PACRG: variants seen among roughly 807,000 people sequenced by gnomAD.
The protein encoded by PACRG is parkin coregulated gene protein.
Under a neutral mutation model 29.7 loss-of-function variants are expected in PACRG, and 29 were observed. That is an observed-to-expected ratio of 0.98 (90% CI 0.73 to 1.33). The LOEUF (loss-of-function observed/expected upper bound fraction) is 1.33. PACRG is among the 40% of genes most tolerant of loss of function. PACRG has a pLI of 0.00. For missense variants in PACRG, 279 were observed against 316.2 expected (o/e 0.88, Z 0.89); for synonymous variants, 116 against 118.7 (o/e 0.98, Z 0.15).
chr6:163,304,722 T>C (rs1162781076), intron 4 of PACRG, among the ~76,000 whole-genome samples: 1 of 152,110 alleles, frequency 6.6e-6, no homozygotes, highest in Admixed American at 6.5e-5. Context: ...TAGGCATGAA[T>C]GAAAATTTCA....
chr6:162,841,691 G>C (rs1373013186), intron 2 of PACRG, among the ~76,000 whole-genome samples: 1 of 147,614 alleles, frequency 6.8e-6, no homozygotes, highest in African/African-American at 2.5e-5. Flanking sequence ...TGATGTTAGG[G>C]TGTCAATTTT....
intron 4 of PACRG, among the ~76,000 whole-genome samples, chr6:163,195,956 G>A (rs1406491572): frequency 6.6e-6 from 1 of 152,124 alleles, no homozygotes; most frequent in African/African-American, 2.4e-5. Flanking sequence ...CTCTCCAGCA[G>A]GGCGCAGCTC....
At position 163,214,363 on chromosome 6, in the gene PACRG, G is replaced by A. The variant is rs143292736; in HGVS notation, c.614-100464G>A. Among the ~76,000 whole-genome samples, 570 of 152,074 alleles carry A rather than the reference G, an allele frequency of 3.7e-3. 6 individuals carry two copies. The South Asian group carries it at 0.047, about 12-fold the overall frequency. ...ACAGTTTTCCAAGATATTCTCACAC[G>A]TTTATTTTTCCTTCTCATAAGAAAT... On this transcript the variant is annotated intron_variant, in intron 4 of 4. Coordinates refer to ENST00000366888, the MANE Select transcript of PACRG (RefSeq NM_001080379.2).
At chr6:162,903,404 A>G (rs550831361) in intron 2 of PACRG, among the ~76,000 whole-genome samples, 2 of 152,304 alleles carry the variant, frequency 1.3e-5, no homozygotes, top group East Asian at 1.9e-4. Context: ...CATACCCAAG[A>G]CTGGGTAATT....
chr6:162,778,501 G>A (rs1449097439), intron 1 of PACRG, among the ~76,000 whole-genome samples: 1 of 151,872 alleles, frequency 6.6e-6, no homozygotes, highest in South Asian at 2.1e-4. Flanking sequence ...ACATATTTTA[G>A]GTAAAAGCAA....
At chr6:163,221,779 C>T (rs1244792583) in intron 4 of PACRG, among the ~76,000 whole-genome samples, 1 of 152,174 alleles carries the variant, frequency 6.6e-6, no homozygotes, top group Admixed American at 6.5e-5. Flanking sequence ...CAATGTCATT[C>T]GCTCACTGTT....
intron 4 of PACRG, among the ~76,000 whole-genome samples, chr6:163,234,301 G>T (rs981926018): frequency 3.3e-5 from 5 of 152,118 alleles, no homozygotes; most frequent in African/African-American, 1.2e-4. Context: ...ATTCTCAGGG[G>T]AGTGACTTCT....
intron 4 of PACRG, among the ~76,000 whole-genome samples, chr6:163,122,669 C>T (rs1816341374): frequency 6.6e-6 from 1 of 152,198 alleles, no homozygotes; most frequent in Admixed American, 6.5e-5. Context: ...GTGTAGCCTG[C>T]AGAATCGGAA....
chr6:162,758,342 G>A (rs1017392279), intron 1 of PACRG, among the ~76,000 whole-genome samples: 4 of 151,972 alleles, frequency 2.6e-5, no homozygotes, highest in African/African-American at 9.7e-5. Flanking sequence ...CCCTAAATAT[G>A]CATAAATTTA....
intron 2 of PACRG, among the ~76,000 whole-genome samples, chr6:162,899,160 T>C (rs764291990): frequency 4.6e-5 from 7 of 152,208 alleles, no homozygotes; most frequent in Non-Finnish European, 1.0e-4. Context: ...TGAGGGGTTT[T>C]GCAATTCTTT....
In PACRG at chr6:162,984,479, C is replaced by T. The variant is rs189875542; in HGVS notation, c.292-77671C>T. ...CAATTGCAAATTGTGCTGCTGTCAA[C>T]ATGCATGTGCAAGTATCTTTTTTGT... On this transcript the variant is annotated intron_variant, in intron 2 of 4. Transcript: ENST00000366888. Among the ~76,000 whole-genome samples the T allele has an allele frequency of 2.6e-5, 4 of 152,200 alleles. No homozygotes were observed. In the East Asian group the frequency reaches 7.7e-4, roughly 29 times the overall value.
chr6:162,772,517 G>A (rs887125216), intron 1 of PACRG, among the ~76,000 whole-genome samples: 1 of 152,174 alleles, frequency 6.6e-6, no homozygotes, highest in African/African-American at 2.4e-5. Flanking sequence ...CCTTAAAGCA[G>A]GAAAAGGAGG....
At chr6:162,939,531 T>C (rs1389379601) in intron 2 of PACRG, among the ~76,000 whole-genome samples, 2 of 152,214 alleles carry the variant, frequency 1.3e-5, no homozygotes, top group African/African-American at 4.8e-5. Flanking sequence ...TGAGGCTTTC[T>C]TCTTTTTGGT....
intron 3 of PACRG, among the ~76,000 whole-genome samples, chr6:163,069,158 C>T (rs1323636): frequency 0.15 from 23,388 of 151,684 alleles, 1,956 homozygotes; most frequent in East Asian, 0.28. Flanking sequence ...CAAGTCCTTT[C>T]GAATATCTGA....
chr6:162,738,048 T>G (rs922165410), intron 1 of PACRG, among the ~76,000 whole-genome samples: 1 of 152,184 alleles, frequency 6.6e-6, no homozygotes, highest in Non-Finnish European at 1.5e-5. Flanking sequence ...ACAATATTTT[T>G]AATTGTAACA....
chr6:162,774,338 T>C (rs1281821637), intron 1 of PACRG, among the ~76,000 whole-genome samples: 1 of 152,164 alleles, frequency 6.6e-6, no homozygotes, highest in Non-Finnish European at 1.5e-5. Flanking sequence ...GTAGGGAAAA[T>C]CAAAATGTTT....
chr6:162,938,207 G>C (rs571205240), intron 2 of PACRG, among the ~76,000 whole-genome samples: 1 of 152,256 alleles, frequency 6.6e-6, no homozygotes, highest in Admixed American at 6.5e-5. Context: ...ATCTCATCTA[G>C]GTTGCTGTGA....
At chr6:163,192,510 C>T (rs1353799717) in intron 4 of PACRG, among the ~76,000 whole-genome samples, 1 of 152,194 alleles carries the variant, frequency 6.6e-6, no homozygotes, top group Non-Finnish European at 1.5e-5. Flanking sequence ...TTTTGTCAAA[C>T]ATTTAATGAT....
intron 2 of PACRG, chr6:162,891,861 G>C (rs1234391112): frequency 1.3e-5 from 2 of 152,358 alleles, no homozygotes; most frequent in Non-Finnish European, 2.9e-5. Flanking sequence ...CCACCAGGCT[G>C]CCTGAGTTTA....
Sources: gnomAD v4.1 joint callset for allele counts (sites outside exome capture counted in the v4.1 genomes callset) on GRCh38, gnomAD v4.1.1 for gene constraint, MANE v1.5 for transcripts, NCBI Gene and HGNC (gene_info 2026-07-23, HGNC 2026-07-21) for gene names.